The following RBFOX1 variants were observed in gnomAD, a reference collection of about 807,000 sequenced individuals.
RBFOX1 encodes RNA binding fox-1 homolog 1, also known as RNA binding protein fox-1 homolog 1.
Under a neutral mutation model 57.7 loss-of-function variants are expected in RBFOX1, and 8 were observed. The ratio of observed to expected loss-of-function variants is 0.14; its 90% CI spans 0.08 to 0.25. The LOEUF (loss-of-function observed/expected upper bound fraction) is 0.25. Among genes scored for constraint, RBFOX1 ranks in the 10% least tolerant of loss-of-function variants. The pLI is 1.00. For synonymous variants in RBFOX1, 326 were observed against 222.4 expected, an observed-to-expected ratio of 1.47 and a Z score of -4.15; for missense variants, 611 against 548.5, an observed-to-expected ratio of 1.11 and a Z score of -1.14.
intron 3 of RBFOX1, among the ~76,000 whole-genome samples, chr16:7,036,177 C>A (rs905131097): frequency 3.3e-5 from 5 of 150,178 alleles, no homozygotes. Context: ...GAGAATTGGT[C>A]CCATGGGACT....
chr16:5,873,398 C>G (rs1008938102), intron 4 of RBFOX1, among the ~76,000 whole-genome samples: 3 of 152,204 alleles, frequency 2.0e-5, no homozygotes, highest in African/African-American at 7.2e-5. Flanking sequence ...AATGAGCACT[C>G]TTGGCCTTGT....
intron 3 of RBFOX1, among the ~76,000 whole-genome samples, chr16:6,816,758 G>A (rs12596757): frequency 0.44 from 64,689 of 146,210 alleles, 14,713 homozygotes; most frequent in Non-Finnish European, 0.48. Flanking sequence ...AAAAAAGGAA[G>A]AAAAGAAACA....
At chr16:7,605,675 G>C (rs541063497) in intron 9 of RBFOX1, among the ~76,000 whole-genome samples, 1 of 152,110 alleles carries the variant, frequency 6.6e-6, no homozygotes, top group African/African-American at 2.4e-5. Flanking sequence ...CTCTCTTCTC[G>C]GCAAACCTCA....
intron 1 of RBFOX1, among the ~76,000 whole-genome samples, chr16:6,240,496 C>G (rs746702492): frequency 3.3e-5 from 5 of 152,044 alleles, no homozygotes; most frequent in Admixed American, 6.5e-5. Flanking sequence ...CAGGCCCTCA[C>G]TCAGGCATGA....
intron 4 of RBFOX1, among the ~76,000 whole-genome samples, chr16:7,061,276 A>G (rs2054178645): frequency 6.6e-6 from 1 of 152,140 alleles, no homozygotes; most frequent in Non-Finnish European, 1.5e-5. Flanking sequence ...AATGTTTTTT[A>G]AATGTCATCT....
At chr16:5,644,508 A>G (rs2048984584) in intron 3 of RBFOX1, among the ~76,000 whole-genome samples, 1 of 152,154 alleles carries the variant, frequency 6.6e-6, no homozygotes, top group African/African-American at 2.4e-5. Context: ...AAAGTCCAGA[A>G]CCACCCATGT....
rs371982982 is a variant in RBFOX1, at chr16:6,574,670, C to T, written c.-63-79933C>T. On this transcript the variant is annotated intron_variant, in intron 2 of 15. Coordinates refer to ENST00000550418, the MANE Select transcript of RBFOX1 (RefSeq NM_018723.4). ...GTCTCGATCTCCTGACCTCGTGATC[C>T]GCCCGCCTCGGCCTCCCAAAGTGCT... is the stretch of plus-strand genomic sequence containing the variant. 1.8e-4 allele frequency among the ~76,000 whole-genome samples: 24 copies of T among 135,842 alleles called. No individual in the cohort carries two copies. The East Asian group carries it at 3.7e-3, about 21-fold the overall frequency. 89.1% of individuals were successfully genotyped at this position (135,842 alleles called of 152,430 possible). A position where few individuals can be genotyped will look rare whatever the true frequency, so the allele number is the denominator to read the frequency against.
At chr16:6,109,665 A>G (rs938551839) in intron 1 of RBFOX1, among the ~76,000 whole-genome samples, 2 of 152,188 alleles carry the variant, frequency 1.3e-5, no homozygotes, top group African/African-American at 2.4e-5. Flanking sequence ...TGCTTTAGAA[A>G]TAATAAATGA....
intron 3 of RBFOX1, among the ~76,000 whole-genome samples, chr16:5,633,389 T>C (rs1301998370): frequency 1.3e-5 from 2 of 152,206 alleles, no homozygotes; most frequent in Non-Finnish European, 2.9e-5. Flanking sequence ...CAGGTGGTTT[T>C]TCATTACATG....
chr16:6,291,799 C>G (rs543690504), intron 1 of RBFOX1, among the ~76,000 whole-genome samples: 10 of 152,292 alleles, frequency 6.6e-5, no homozygotes, highest in African/African-American at 2.2e-4. Context: ...TGAAAATCAT[C>G]TTCTTAGAAA....
chr16:5,902,570 C>T (rs1380124536), intron 4 of RBFOX1, among the ~76,000 whole-genome samples: 1 of 152,046 alleles, frequency 6.6e-6, no homozygotes, highest in African/African-American at 2.4e-5. Flanking sequence ...TGCCTGCCAC[C>T]ATGGCCAGCT....
intron 4 of RBFOX1, among the ~76,000 whole-genome samples, chr16:7,211,954 A>C (rs6500927): frequency 0.66 from 100,656 of 151,620 alleles, 34,634 homozygotes; most frequent in African/African-American, 0.85. Flanking sequence ...TCTCACCCCT[A>C]CTCCCTCCTA....
chr16:6,577,817 C>G (rs529167790), intron 2 of RBFOX1, among the ~76,000 whole-genome samples: 25 of 152,100 alleles, frequency 1.6e-4, no homozygotes. Context: ...ACTATGTGCT[C>G]AGGAAAAAAA....
At chr16:6,894,077 A>G (rs2066169283) in intron 3 of RBFOX1, among the ~76,000 whole-genome samples, 1 of 152,042 alleles carries the variant, frequency 6.6e-6, no homozygotes, top group South Asian at 2.1e-4. Context: ...ATAGATAGAT[A>G]CTGGATCGAT....
chr16:6,539,800 A>AACACACACACACACACACAC (rs1192980631), intron 2 of RBFOX1, among the ~76,000 whole-genome samples: 60 of 57,622 alleles, frequency 1.0e-3, no homozygotes, highest in Middle Eastern at 0.013. Flanking sequence ...TGCATCTCAA[A>AACACACACACACACACACAC]ACACAGACAC....
intron 3 of RBFOX1, among the ~76,000 whole-genome samples, chr16:6,669,129 C>T (rs1193921980): frequency 5.3e-5 from 8 of 152,140 alleles, no homozygotes; most frequent in Non-Finnish European, 8.8e-5. Context: ...CTGAAATTTT[C>T]TTCGTGTTGA....
intron 1 of RBFOX1, chr16:5,270,825 A>G: frequency 2.3e-6 from 1 of 439,558 alleles, no homozygotes; most frequent in Non-Finnish European, 4.3e-6. Context: ...AATGCTGGAG[A>G]ACCCTTGGTT....
intron 2 of RBFOX1, among the ~76,000 whole-genome samples, chr16:6,482,914 G>T (rs1219370553): frequency 6.6e-6 from 1 of 152,234 alleles, no homozygotes; most frequent in Admixed American, 6.5e-5. Context: ...TTGATTGCTC[G>T]TGAGTTAAAA....
intron 2 of RBFOX1, among the ~76,000 whole-genome samples, chr16:6,452,440 A>G (rs1475983899): frequency 6.6e-6 from 1 of 150,876 alleles, no homozygotes; most frequent in African/African-American, 2.4e-5. Context: ...CCATGACTCC[A>G]TCCATGGCCC....
Sources: allele counts gnomAD v4.1 joint callset (sites outside exome capture counted in the v4.1 genomes callset), GRCh38; gene constraint gnomAD v4.1.1; transcripts MANE v1.5; gene names NCBI Gene and HGNC (gene_info 2026-07-23, HGNC 2026-07-21).